LMBR1: variants seen among roughly 807,000 people sequenced by gnomAD.
LMBR1 encodes limb region 1 protein homolog.
A neutral mutation model predicts 73.9 loss-of-function variants in LMBR1; 52 were observed. The ratio of observed to expected loss-of-function variants is 0.70; its 90% CI spans 0.56 to 0.89. The LOEUF (loss-of-function observed/expected upper bound fraction) is 0.89. Among genes scored for constraint, LMBR1 ranks in the 40% least tolerant of loss-of-function variants. The pLI, the probability that LMBR1 is intolerant of heterozygous loss-of-function variation, is 0.00. For missense variants in LMBR1, 539 were observed against 579.8 expected (o/e 0.93, Z 0.72); for synonymous variants, 215 against 209.4 (o/e 1.03, Z -0.23).
At chr7:156,873,335 G>C (rs549479122) in intron 1 of LMBR1, among the ~76,000 whole-genome samples, 1 of 152,190 alleles carries the variant, frequency 6.6e-6, no homozygotes, top group African/African-American at 2.4e-5. Flanking sequence ...GCTGGGCTCA[G>C]GAGTGAAGCT....
rs1805718412 is a variant in LMBR1 at position 156,685,080 on chromosome 7, T to C, written c.1388-917A>G. On this transcript the variant is annotated intron_variant, in intron 16 of 16. Transcript: ENST00000353442. The surrounding 1 kb of genome is among the most constrained non-coding windows in gnomAD (Gnocchi z 4.1). ...AAGAATGGAAAACATTACTAAAAAA[T>C]AAAGAAATGACAAAAGAATAAACTG... Among the ~76,000 whole-genome samples the C allele has an allele frequency of 6.6e-6, 1 of 152,082 alleles. No homozygotes were observed. Among genetic ancestry groups the C allele is most frequent in the African/African-American group, 2.4e-5 (1 of 41,414 alleles).
At chr7:156,767,748 A>AT (rs1298469123) in intron 5 of LMBR1, among the ~76,000 whole-genome samples, 2 of 152,044 alleles carry the variant, frequency 1.3e-5, no homozygotes, top group African/African-American at 4.8e-5. Flanking sequence ...AACAAAATAT[A>AT]TAAAATACGA....
chr7:156,695,751 C>T (rs1321161104), intron 15 of LMBR1, among the ~76,000 whole-genome samples: 1 of 151,306 alleles, frequency 6.6e-6, no homozygotes, highest in African/African-American at 2.4e-5. Flanking sequence ...CACATGCACA[C>T]AAAACAATTT....
Position 156,789,444 on chromosome 7 carries a change from C to T in LMBR1, c.423+6945G>A, listed in dbSNP as rs1348647460. Among the ~76,000 whole-genome samples, 1 of 152,122 alleles carries T rather than the reference C, an allele frequency of 6.6e-6. No homozygotes were observed. Among genetic ancestry groups the T allele is most frequent in the Non-Finnish European group, 1.5e-5 (1 of 68,028 alleles). ...TATCACAGGCTAAAATATTACCTAACGTCAAACTATCAAACAATCTTACTG... is the reference window on the plus strand; with the variant it reads ...TATCACAGGCTAAAATATTACCTAATGTCAAACTATCAAACAATCTTACTG... On this transcript the variant is annotated intron_variant, in intron 5 of 16. Coordinates refer to ENST00000353442, the MANE Select transcript of LMBR1 (RefSeq NM_022458.4).
At chr7:156,809,816 T>C (rs1832781509) in intron 4 of LMBR1, among the ~76,000 whole-genome samples, 1 of 152,224 alleles carries the variant, frequency 6.6e-6, no homozygotes, top group Non-Finnish European at 1.5e-5. Context: ...ATTTTCTCTT[T>C]ATCACTGATT....
chr7:156,841,075 C>T (rs766308274), intron 1 of LMBR1, among the ~76,000 whole-genome samples: 8 of 151,530 alleles, frequency 5.3e-5, no homozygotes, highest in Non-Finnish European at 7.4e-5. Flanking sequence ...GCCACTCGGA[C>T]CTGTGCAAGG....
Position 156,695,284 on chromosome 7 carries a change from G to A in LMBR1, c.1226-7093C>T, listed in dbSNP as rs542586248. ...AAATCATACCACTACACTCCAGCCTGGGTGACAGAACAAGACTTTGTCTCC... is the reference window on the plus strand; with the variant it reads ...AAATCATACCACTACACTCCAGCCTAGGTGACAGAACAAGACTTTGTCTCC... On this transcript the variant is annotated intron_variant, in intron 15 of 16. Coordinates refer to ENST00000353442, the MANE Select transcript of LMBR1 (RefSeq NM_022458.4). 3.9e-5 allele frequency among the ~76,000 whole-genome samples: 6 copies of A among 152,306 alleles called. No individual in the cohort carries two copies. In the South Asian group the frequency reaches 1.2e-3, roughly 32 times the overall value.
At chr7:156,762,933 G>C (rs1585630595) in intron 7 of LMBR1, among the ~76,000 whole-genome samples, 175 bp downstream of exon 7, 1 of 151,774 alleles carries the variant, frequency 6.6e-6, no homozygotes, top group Non-Finnish European at 1.5e-5. Flanking sequence ...AACAATAAAA[G>C]CATCTTATTA....
At chr7:156,744,343 C>CT (rs527479194) in intron 9 of LMBR1, among the ~76,000 whole-genome samples, 5,087 of 143,946 alleles carry the variant, frequency 0.035, 123 homozygotes, top group South Asian at 0.09. Flanking sequence ...TTTGTAAGGG[C>CT]TTTTTTTTTT....
chr7:156,831,856 G>A (rs1034231596), intron 3 of LMBR1, among the ~76,000 whole-genome samples: 1 of 152,194 alleles, frequency 6.6e-6, no homozygotes, highest in South Asian at 2.1e-4. Context: ...ACCACAGGTG[G>A]CACACAGACT....
At chr7:156,892,722 A>AGGGGAGGGGAGGGGAGAGGAGAGGT (rs1279027309) in intron 1 of LMBR1, 7 of 285,070 alleles carry the variant, frequency 2.5e-5, no homozygotes, top group East Asian at 2.1e-4. Flanking sequence ...GAGGAAGCGA[A>AGGGGAGGGGAGGGGAGAGGAGAGGT]GGGGAGGGGA....
intron 1 of LMBR1, among the ~76,000 whole-genome samples, chr7:156,879,468 T>C (rs1439667284): frequency 6.6e-6 from 1 of 151,884 alleles, no homozygotes; most frequent in Admixed American, 6.5e-5. Flanking sequence ...ATCGAGACCA[T>C]CCTGGCTAAC....
intron 5 of LMBR1, among the ~76,000 whole-genome samples, chr7:156,767,516 T>A (rs1014698966): frequency 6.6e-6 from 1 of 152,038 alleles, no homozygotes; most frequent in African/African-American, 2.4e-5. Flanking sequence ...TTTAAAACGA[T>A]AATATTTCAC....
intron 9 of LMBR1, among the ~76,000 whole-genome samples, chr7:156,738,048 ACT>A (rs1265938890): frequency 6.6e-6 from 1 of 152,222 alleles, no homozygotes; most frequent in African/African-American, 2.4e-5. Flanking sequence ...CCTGGTTTTA[ACT>A]TCATACACCT....
At chr7:156,838,328 T>A (rs1343659585) in intron 1 of LMBR1, among the ~76,000 whole-genome samples, 2 of 152,156 alleles carry the variant, frequency 1.3e-5, no homozygotes, top group Admixed American at 1.3e-4. Flanking sequence ...TTATTCCTCC[T>A]ACCTAACTGA....
intron 4 of LMBR1, among the ~76,000 whole-genome samples, chr7:156,821,921 T>C (rs1834860084): frequency 6.6e-6 from 1 of 152,242 alleles, no homozygotes; most frequent in South Asian, 2.1e-4. Context: ...ATCTGCTAAC[T>C]GTGACTTTTG....
At chr7:156,762,836 TGTGA>T (rs1009519003) in intron 7 of LMBR1, among the ~76,000 whole-genome samples, 11 of 100,824 alleles carry the variant, frequency 1.1e-4, no homozygotes, top group East Asian at 3.3e-4. Flanking sequence ...TGTGAAAGTG[TGTGA>T]GTGTGAGTGT....
intron 4 of LMBR1, among the ~76,000 whole-genome samples, chr7:156,808,360 G>A (rs2133567080): frequency 6.6e-6 from 1 of 152,180 alleles, no homozygotes; most frequent in Non-Finnish European, 1.5e-5. Flanking sequence ...CTTTATGACT[G>A]GTAATATTCT....
At chr7:156,763,597 A>C in intron 6 of LMBR1, 72 bp downstream of exon 6, 1 of 1,316,506 alleles carries the variant, frequency 7.6e-7, no homozygotes, top group Non-Finnish European at 1.0e-6. Flanking sequence ...ATGTTTTTAA[A>C]ATTGAGTGTG....
Sources: gnomAD v4.1 joint callset for allele counts (sites outside exome capture counted in the v4.1 genomes callset) on GRCh38, gnomAD v4.1.1 for gene constraint, Gnocchi (gnomAD v3.1) non-coding constraint, MANE v1.5 for transcripts, NCBI Gene and HGNC (gene_info 2026-07-23, HGNC 2026-07-21) for gene names.